SPTBN1: variants seen among roughly 807,000 people sequenced by gnomAD.
SPTBN1 encodes the protein spectrin beta chain, non-erythrocytic 1.
SPTBN1 carries 32 observed loss-of-function variants against 266.4 expected under a neutral mutation model. That is an observed-to-expected ratio of 0.12 (90% CI 0.09 to 0.16). The LOEUF (loss-of-function observed/expected upper bound fraction) is 0.16, where lower values mean the gene tolerates loss of function less well. Ranked by LOEUF, SPTBN1 falls within the 10% of genes least tolerant of loss-of-function variation. The pLI is 1.00. For missense variants in SPTBN1, 2,296 were observed against 3,067.1 expected, an observed-to-expected ratio of 0.75 and a Z score of 5.94; for synonymous variants, 1,336 against 1,162.2, an observed-to-expected ratio of 1.15 and a Z score of -3.04.
chr2:54,485,723 C>T (rs1265069344), intron 1 of SPTBN1, among the ~76,000 whole-genome samples: 1 of 151,380 alleles, frequency 6.6e-6, no homozygotes, highest in African/African-American at 2.4e-5. Context: ...TCTGCCCGGC[C>T]GCCATCCCAT....
chr2:54,563,590 ATTCTT>A (rs1291220646), intron 2 of SPTBN1, among the ~76,000 whole-genome samples: 45 of 84,844 alleles, frequency 5.3e-4, no homozygotes, highest in Non-Finnish European at 8.9e-4. Flanking sequence ...AAGAAAATTT[ATTCTT>A]TTTTTTTTTT....
At chr2:54,566,770 G>A (rs1027282805) in intron 2 of SPTBN1, among the ~76,000 whole-genome samples, 1 of 152,058 alleles carries the variant, frequency 6.6e-6, no homozygotes, top group Admixed American at 6.5e-5. Context: ...GGCAGAGGTT[G>A]CAGTGAGCCA....
At chr2:54,534,525 T>C (rs556685766) in intron 2 of SPTBN1, among the ~76,000 whole-genome samples, 1 of 152,206 alleles carries the variant, frequency 6.6e-6, no homozygotes, top group South Asian at 2.1e-4. Flanking sequence ...AGTCCTAGAT[T>C]ATACCCTCAA....
intron 1 of SPTBN1, among the ~76,000 whole-genome samples, chr2:54,493,457 G>C (rs934362456): frequency 6.6e-6 from 1 of 151,762 alleles, no homozygotes; most frequent in East Asian, 1.9e-4. Flanking sequence ...GCAGACTGGA[G>C]TGCAGTGGCG....
chr2:54,628,331 T>C lies in SPTBN1; in HGVS notation c.1798+81T>C. The C allele has an allele frequency of 6.8e-7, 1 of 1,465,178 alleles. No individual in the cohort carries two copies. The highest frequency in any genetic ancestry group is 1.4e-5 in the South Asian group (1 of 70,248). The allele number at this position is 1,465,178 out of a possible 1,614,324, so 90.8% of individuals were successfully genotyped here. A position where few individuals can be genotyped will look rare whatever the true frequency, so the allele number is the denominator to read the frequency against. ...AGAAACACAGTGGGGCTTTTGAAGTTACTGTGCCACTATACATTCCTGGTG... is the reference window on the plus strand; with the variant it reads ...AGAAACACAGTGGGGCTTTTGAAGTCACTGTGCCACTATACATTCCTGGTG... On this transcript the variant is annotated intron_variant, in intron 13 of 35. Transcript: ENST00000356805. This position sits in a 1 kb window ranked among gnomAD's most constrained non-coding sequence, Gnocchi z 4.3.
intron 2 of SPTBN1, among the ~76,000 whole-genome samples, chr2:54,588,544 G>C (rs1456646151): frequency 6.6e-6 from 1 of 152,152 alleles, no homozygotes; most frequent in African/African-American, 2.4e-5. Context: ...GCATGCCCTC[G>C]GGGGGATCCC....
In SPTBN1 at chr2:54,628,907, CA is replaced by C. The variant is rs1558444491; in HGVS notation, c.1799-25del. On this transcript the variant is annotated intron_variant, in intron 13 of 35. Coordinates refer to ENST00000356805, the MANE Select transcript of SPTBN1 (RefSeq NM_003128.3). This position sits in a 1 kb window ranked among gnomAD's most constrained non-coding sequence, Gnocchi z 4.3. The stretch of plus-strand genomic sequence containing the variant: ...CCCATGCTGAGCTCCCTCACACAGC[CA>C]CGTTCCTTCCTTGATGTTAAACAGG... The C allele has an allele frequency of 6.4e-7, 1 of 1,555,726 alleles. No individual in the cohort carries two copies. Among genetic ancestry groups the C allele is most frequent in the Admixed American group, 1.9e-5 (1 of 52,614 alleles).
chr2:54,639,224 T>C (rs1038046575), intron 18 of SPTBN1, among the ~76,000 whole-genome samples: 2 of 152,222 alleles, frequency 1.3e-5, no homozygotes, highest in Admixed American at 1.3e-4. Context: ...AAGTTAGCTA[T>C]GTGGAGTTGC....
At chr2:54,523,427 A>C (rs1670604765) in intron 1 of SPTBN1, among the ~76,000 whole-genome samples, 2 of 152,190 alleles carry the variant, frequency 1.3e-5, no homozygotes. Context: ...AAGTGGATTC[A>C]GTGCTTCTTC....
At chr2:54,478,425 G>T (rs948311349) in intron 1 of SPTBN1, among the ~76,000 whole-genome samples, 2 of 152,168 alleles carry the variant, frequency 1.3e-5, no homozygotes, top group Non-Finnish European at 2.9e-5. Context: ...TGGAAGAGCA[G>T]TGTTTTCACA....
intron 2 of SPTBN1, among the ~76,000 whole-genome samples, chr2:54,587,911 T>C (rs1675398409): frequency 6.6e-6 from 1 of 152,180 alleles, no homozygotes; most frequent in Non-Finnish European, 1.5e-5. Context: ...CAGAAAATGC[T>C]TGTGGCTACT....
intron 2 of SPTBN1, among the ~76,000 whole-genome samples, chr2:54,530,352 A>ATTTTTTTTTTTTT (rs1558810829): frequency 3.3e-5 from 2 of 60,698 alleles, no homozygotes; most frequent in Non-Finnish European, 7.0e-5. Flanking sequence ...ATTGTAAAAA[A>ATTTTTTTTTTTTT]CTTTTTTTTT....
At chr2:54,472,840 A>G (rs1693998515) in intron 1 of SPTBN1, among the ~76,000 whole-genome samples, 2 of 152,256 alleles carry the variant, frequency 1.3e-5, no homozygotes, top group South Asian at 4.1e-4. Context: ...TATATGTTAA[A>G]TAGCAGATGA....
chr2:54,611,706 G>T (rs1000875073), intron 3 of SPTBN1, among the ~76,000 whole-genome samples: 5 of 151,880 alleles, frequency 3.3e-5, no homozygotes, highest in African/African-American at 7.3e-5. Flanking sequence ...TGATTTGATG[G>T]TTGTGTTCCC....
At chr2:54,577,924 T>C (rs530739775) in intron 2 of SPTBN1, among the ~76,000 whole-genome samples, 2,349 of 133,956 alleles carry the variant, frequency 0.018, 29 homozygotes, top group Non-Finnish European at 0.027. Flanking sequence ...CTTAAAGGAT[T>C]TGCTGAGACT....
chr2:54,617,881 CT>C (rs1558432848), intron 6 of SPTBN1, among the ~76,000 whole-genome samples, 193 bp downstream of exon 6: 2 of 152,054 alleles, frequency 1.3e-5, no homozygotes, highest in South Asian at 2.1e-4. Context: ...CTCCCTTAAT[CT>C]TTTTTTTCTT....
chr2:54,622,254 T>TA, intron 8 of SPTBN1, 46 bp from the exon 9 acceptor site: 1 of 1,595,988 alleles, frequency 6.3e-7, no homozygotes, highest in Non-Finnish European at 8.6e-7. Flanking sequence ...GTATTTAACT[T>TA]ATGGAGTGAC....
chr2:54,559,695 GA>G (rs1673150058), intron 2 of SPTBN1, among the ~76,000 whole-genome samples: 1 of 152,108 alleles, frequency 6.6e-6, no homozygotes, highest in South Asian at 2.1e-4. Flanking sequence ...GCTTATACAT[GA>G]AAAAAGGTTC....
intron 2 of SPTBN1, chr2:54,546,524 T>G (rs1446816255): frequency 6.6e-6 from 1 of 152,196 alleles, no homozygotes; most frequent in Non-Finnish European, 1.5e-5. Flanking sequence ...TTATTTCCCC[T>G]GTGTTTTGAG....
Sources: gnomAD v4.1 joint callset for allele counts (sites outside exome capture counted in the v4.1 genomes callset) on GRCh38, gnomAD v4.1.1 for gene constraint, Gnocchi (gnomAD v3.1) non-coding constraint, MANE v1.5 for transcripts, NCBI Gene and HGNC (gene_info 2026-07-23, HGNC 2026-07-21) for gene names.